The following PCDHA3 variants were observed in gnomAD, a reference collection of about 807,000 sequenced individuals.
PCDHA3 encodes protocadherin alpha-3.
Under a neutral mutation model 62.2 loss-of-function variants are expected in PCDHA3, and 41 were observed. That is an observed-to-expected ratio of 0.66 (90% CI 0.51 to 0.86). PCDHA3 has a LOEUF of 0.86. Among genes scored for constraint, PCDHA3 ranks in the 40% least tolerant of loss-of-function variants. PCDHA3 has a pLI of 0.00. For missense variants in PCDHA3, 1,304 were observed against 1,241.2 expected (o/e 1.05, Z -0.76); for synonymous variants, 640 against 555.4 (o/e 1.15, Z -2.14).
chr5:140,809,279 G>A, intron 1 of PCDHA3: 1 of 1,614,106 alleles, frequency 6.2e-7, no homozygotes, highest in South Asian at 1.1e-5. Flanking sequence ...GGATGTCAAC[G>A]TATACCTGAT....
intron 1 of PCDHA3, chr5:140,857,871 A>G (rs2044971374): frequency 6.3e-7 from 1 of 1,597,628 alleles, no homozygotes. Flanking sequence ...TGGCTGTCGT[A>G]TGAATTGCAG....
At chr5:140,980,584 C>A (rs1447001293) in intron 2 of PCDHA3, among the ~76,000 whole-genome samples, 1 of 151,934 alleles carries the variant, frequency 6.6e-6, no homozygotes, top group Non-Finnish European at 1.5e-5. Context: ...GAGCCAAGAT[C>A]GAGCCACTGC....
At chr5:140,986,583 T>C (rs1265983211) in intron 3 of PCDHA3, among the ~76,000 whole-genome samples, 1 of 152,170 alleles carries the variant, frequency 6.6e-6, no homozygotes, top group African/African-American at 2.4e-5. Flanking sequence ...TTTTTCCAGC[T>C]CCTCTTTCTA....
At chr5:140,941,209 T>TCC (rs59604197) in intron 1 of PCDHA3, among the ~76,000 whole-genome samples, 12 of 126,888 alleles carry the variant, frequency 9.5e-5, no homozygotes, top group Admixed American at 4.0e-4. Flanking sequence ...CTTCCTTTCT[T>TCC]TCTTCCTTTC....
chr5:140,848,513 A>T, intron 1 of PCDHA3: 2 of 1,590,760 alleles, frequency 1.3e-6, no homozygotes, highest in Non-Finnish European at 1.7e-6. Context: ...ACTCAAGTCG[A>T]GGAGATCCAG....
intron 1 of PCDHA3, among the ~76,000 whole-genome samples, chr5:140,953,756 G>C (rs2094932328): frequency 6.6e-6 from 1 of 152,208 alleles, no homozygotes; most frequent in South Asian, 2.1e-4. Context: ...ATTTATCCAA[G>C]AATTAAATTT....
chr5:140,945,909 TC>T (rs1440194990), intron 1 of PCDHA3, among the ~76,000 whole-genome samples: 3 of 151,962 alleles, frequency 2.0e-5, no homozygotes, highest in African/African-American at 7.2e-5. Context: ...AGATGAAAGA[TC>T]AATAACACTG....
At chr5:140,844,621 A>C (rs1357757740) in intron 1 of PCDHA3, among the ~76,000 whole-genome samples, 5 of 149,558 alleles carry the variant, frequency 3.3e-5, no homozygotes, top group African/African-American at 9.8e-5. Context: ...TGTTTTCATC[A>C]GAAAAACTAT....
chr5:140,835,513 G>T (rs1773701294), intron 1 of PCDHA3: 1 of 1,613,936 alleles, frequency 6.2e-7, no homozygotes, highest in Non-Finnish European at 8.5e-7. Flanking sequence ...GTGTTTGACC[G>T]AGATTTTGGA....
chr5:140,809,528 G>C (rs781993408), intron 1 of PCDHA3: 10 of 1,614,046 alleles, frequency 6.2e-6, no homozygotes, highest in Non-Finnish European at 7.6e-6. Flanking sequence ...TGACTCTAGG[G>C]ACAGAGAAGA....
chr5:140,802,480 G>C lies in PCDHA3; in HGVS notation c.1283G>C (p.Arg428Pro), dbSNP rs1466401935. 2.5e-6 allele frequency: 4 copies of C among 1,614,188 alleles called. No homozygotes were observed. Among genetic ancestry groups the C allele is most frequent in the East Asian group, 2.2e-5 (1 of 44,880 alleles). Residue 428 changes from arginine (R) to proline (P), a missense_variant, in exon 1 of 4, where the codon CGG becomes CCG. Arg to Pro is a moderately radical substitution (Grantham distance 103). Transcript: ENST00000522353. ...GCCTATGAGCTGGTGGTGACTGCTCGGGACGGGGGCTCGCCTTCACTGTGG... is the reference window on the plus strand; with the variant it reads ...GCCTATGAGCTGGTGGTGACTGCTCCGGACGGGGGCTCGCCTTCACTGTGG... ...VSAYELVVTARDGGSPSLWAT... is the reference protein window; with the variant it reads ...VSAYELVVTAPDGGSPSLWAT...
At chr5:140,834,917 C>A in intron 1 of PCDHA3, 2 of 1,590,474 alleles carry the variant, frequency 1.3e-6, no homozygotes, top group Non-Finnish European at 1.7e-6. Flanking sequence ...ATGAGTATTT[C>A]TTCCTGGACG....
rs1402531454 is a variant in PCDHA3 at position 141,011,521 on chromosome 5, TA to T, written c.*1586del. 1 of 153,804 alleles carries T rather than the reference TA, an allele frequency of 6.5e-6. No individual in the cohort carries two copies. The allele number at this position is 153,804 out of a possible 1,614,324, so 9.5% of individuals were successfully genotyped here. A position where few individuals can be genotyped will look rare whatever the true frequency, so the allele number is the denominator to read the frequency against. ...GTGAAAAAGTGGAGTAGTGTTTTTT[TA>T]ACCATTGTTAATCAGCTTTTGTGTA... On this transcript the variant is annotated 3_prime_UTR_variant, in exon 4 of 4. Coordinates refer to ENST00000522353, the MANE Select transcript of PCDHA3 (RefSeq NM_018906.3).
chr5:140,955,696 A>G (rs373393526), intron 1 of PCDHA3, among the ~76,000 whole-genome samples: 6 of 152,184 alleles, frequency 3.9e-5, no homozygotes, highest in East Asian at 1.9e-4. Flanking sequence ...GATGAATGTC[A>G]ATGGAAGTTT....
chr5:140,882,453 G>A, intron 1 of PCDHA3: 3 of 1,614,042 alleles, frequency 1.9e-6, no homozygotes, highest in Non-Finnish European at 2.5e-6. Flanking sequence ...CTGGTGCCGC[G>A]CCTGTTCCGG....
At chr5:141,006,375 CTAAG>C (rs2098270775) in intron 3 of PCDHA3, among the ~76,000 whole-genome samples, 1 of 151,930 alleles carries the variant, frequency 6.6e-6, no homozygotes, top group Admixed American at 6.6e-5. Flanking sequence ...CCACGCCCGG[CTAAG>C]TTTTTTCTAT....
At position 140,822,042 on chromosome 5, in the gene PCDHA3, C is replaced by T. The variant is rs148967528; in HGVS notation, c.2394+18451C>T. The T allele has an allele frequency of 2.2e-3, 3,471 of 1,614,176 alleles. 3 individuals carry two copies. The highest frequency in any genetic ancestry group is 2.7e-3 in the Non-Finnish European group (3,163 of 1,180,044). ...GCATTTTGTTTGTGAATTCTCGGATCGACCGGGAGGAGCTGTGCCGGCGGA... is the reference window on the plus strand; with the variant it reads ...GCATTTTGTTTGTGAATTCTCGGATTGACCGGGAGGAGCTGTGCCGGCGGA... On this transcript the variant is annotated intron_variant, in intron 1 of 3. Coordinates refer to ENST00000522353, the MANE Select transcript of PCDHA3 (RefSeq NM_018906.3).
At position 140,870,457 on chromosome 5, in the gene PCDHA3, C is replaced by T. The variant is rs2052038650; in HGVS notation, c.2394+66866C>T. 3.1e-6 allele frequency: 5 copies of T among 1,614,110 alleles called. No individual in the cohort carries two copies. Among genetic ancestry groups the T allele is most frequent in the African/African-American group, 1.3e-5 (1 of 74,948 alleles). ...GGTGGCCGACGTGAACGACAATGCG[C>T]CTGCGTTCGCACAGCCCGAGTACAC... On this transcript the variant is annotated intron_variant, in intron 1 of 3. Coordinates refer to ENST00000522353, the MANE Select transcript of PCDHA3 (RefSeq NM_018906.3).
intron 1 of PCDHA3, chr5:140,927,658 C>T (rs782350503): frequency 5.0e-6 from 8 of 1,614,094 alleles, no homozygotes; most frequent in Non-Finnish European, 6.8e-6. Context: ...ATTCCGAGTT[C>T]AAGCCTTGGA....
Sources: gnomAD v4.1 joint callset for allele counts (sites outside exome capture counted in the v4.1 genomes callset) on GRCh38, gnomAD v4.1.1 for gene constraint, MANE v1.5 for transcripts, NCBI Gene and HGNC (gene_info 2026-07-23, HGNC 2026-07-21) for gene names.